OPCML: variants seen among roughly 807,000 people sequenced by gnomAD.
OPCML encodes the protein opioid binding protein/cell adhesion molecule like.
Under a neutral mutation model 37.8 loss-of-function variants are expected in OPCML, and 13 were observed. That is an observed-to-expected ratio of 0.34 (90% CI 0.22 to 0.55). The LOEUF (loss-of-function observed/expected upper bound fraction) is 0.55, where lower values mean the gene tolerates loss of function less well. Among genes scored for constraint, OPCML ranks in the 20% least tolerant of loss-of-function variants. The pLI is 0.91. For missense variants in OPCML, 341 were observed against 435.6 expected (o/e 0.78, Z 1.93); for synonymous variants, 176 against 168.8 (o/e 1.04, Z -0.33).
chr11:132,679,189 C>T (rs547519479), intron 2 of OPCML, among the ~76,000 whole-genome samples: 1 of 152,252 alleles, frequency 6.6e-6, no homozygotes, highest in South Asian at 2.1e-4. Flanking sequence ...AAAACTGTGT[C>T]AGTTTCTCAG....
intron 4 of OPCML, among the ~76,000 whole-genome samples, chr11:132,459,172 C>A: frequency 6.6e-6 from 1 of 152,240 alleles, no homozygotes; most frequent in Non-Finnish European, 1.5e-5. Flanking sequence ...GGAACCCGCT[C>A]CTGCCCTCTA....
intron 3 of OPCML, among the ~76,000 whole-genome samples, chr11:132,563,206 G>T (rs189961324): frequency 2.0e-5 from 3 of 152,178 alleles, no homozygotes; most frequent in Non-Finnish European, 4.4e-5. Context: ...GGCTTATGCA[G>T]CCAGTCAATA....
intron 2 of OPCML, among the ~76,000 whole-genome samples, chr11:132,893,563 C>T (rs896082516): frequency 3.3e-5 from 5 of 152,196 alleles, no homozygotes; most frequent in African/African-American, 7.2e-5. Flanking sequence ...GGGTGCAATT[C>T]GGAGACCATC....
intron 1 of OPCML, among the ~76,000 whole-genome samples, chr11:133,114,739 A>T (rs1431777): frequency 6.6e-6 from 1 of 151,984 alleles, no homozygotes; most frequent in Non-Finnish European, 1.5e-5. Context: ...TAGTACTTGG[A>T]ATTGAGTGGG....
chr11:133,096,636 C>T (rs1206236762), intron 1 of OPCML, among the ~76,000 whole-genome samples: 1 of 151,842 alleles, frequency 6.6e-6, no homozygotes, highest in African/African-American at 2.4e-5. Context: ...CCTACAGAAT[C>T]CCTTCTTAAA....
intron 4 of OPCML, among the ~76,000 whole-genome samples, chr11:132,477,703 G>A (rs1189680911): frequency 6.6e-6 from 1 of 152,208 alleles, no homozygotes; most frequent in Admixed American, 6.5e-5. Context: ...TCTGGAGTGT[G>A]TGCTGTGTTT....
intron 7 of OPCML, among the ~76,000 whole-genome samples, chr11:132,425,269 TA>T (rs148008116): frequency 0.031 from 4,609 of 150,436 alleles, 161 homozygotes; most frequent in Admixed American, 0.11. Context: ...AACAGACAAA[TA>T]TTTTTTTTAA....
intron 1 of OPCML, among the ~76,000 whole-genome samples, chr11:133,508,075 C>T (rs190626462): frequency 9.8e-5 from 15 of 152,286 alleles, no homozygotes; most frequent in African/African-American, 2.6e-4. Context: ...ATTTCCTACC[C>T]GGATCAACTA....
intron 1 of OPCML, among the ~76,000 whole-genome samples, chr11:133,222,169 A>G (rs1284870203): frequency 6.6e-6 from 1 of 152,214 alleles, no homozygotes; most frequent in Non-Finnish European, 1.5e-5. Context: ...GAGACCAGAC[A>G]GGGAAGAAGA....
chr11:133,210,218 C>T (rs12271392), intron 1 of OPCML, among the ~76,000 whole-genome samples: 16,226 of 152,170 alleles, frequency 0.11, 1,106 homozygotes, highest in Middle Eastern at 0.23. Flanking sequence ...TAATTGGGCT[C>T]TCCAAAGCCT....
intron 1 of OPCML, among the ~76,000 whole-genome samples, chr11:133,274,637 G>A (rs1047715597): frequency 6.6e-6 from 1 of 152,162 alleles, no homozygotes; most frequent in Non-Finnish European, 1.5e-5. Flanking sequence ...CTGGGAAACC[G>A]GCACAGCCCC....
At chr11:132,789,101 CTGTATCCTA>C (rs1555189176) in intron 2 of OPCML, among the ~76,000 whole-genome samples, 1 of 152,194 alleles carries the variant, frequency 6.6e-6, no homozygotes, top group Non-Finnish European at 1.5e-5. Context: ...TTCCCTCAGC[CTGTATCCTA>C]TCACTTCAGA....
In OPCML at chr11:132,614,723, T is replaced by A. The variant is rs563355294; in HGVS notation, c.379+42364A>T. On this transcript the variant is annotated intron_variant, in intron 3 of 7. Coordinates refer to ENST00000524381, the MANE Select transcript of OPCML (RefSeq NM_001012393.5). ...ATATTCACAGGTAAAATCTTCAGAATGGCATTGATGATGGGATAGGCATTT... is the reference window on the plus strand; with the variant it reads ...ATATTCACAGGTAAAATCTTCAGAAAGGCATTGATGATGGGATAGGCATTT... Among the ~76,000 whole-genome samples the A allele has an allele frequency of 1.5e-4, 23 of 152,354 alleles. No homozygotes were observed. In the East Asian group the frequency reaches 4.4e-3, roughly 29 times the overall value.
intron 4 of OPCML, among the ~76,000 whole-genome samples, chr11:132,476,089 T>C (rs1411653328): frequency 2.0e-5 from 3 of 152,170 alleles, no homozygotes; most frequent in Non-Finnish European, 4.4e-5. Context: ...ATATACACAC[T>C]CTCATGTTTT....
chr11:132,736,313 A>T (rs1372226693), intron 2 of OPCML, among the ~76,000 whole-genome samples: 1 of 152,212 alleles, frequency 6.6e-6, no homozygotes, highest in Non-Finnish European at 1.5e-5. Flanking sequence ...CCTCACCTAG[A>T]ACTGATGTAA....
intron 1 of OPCML, among the ~76,000 whole-genome samples, chr11:133,253,315 T>C (rs141455532): frequency 6.6e-6 from 1 of 152,092 alleles, no homozygotes; most frequent in East Asian, 1.9e-4. Flanking sequence ...CACATTTTAT[T>C]TTATTTTATT....
At chr11:133,266,600 C>T (rs978115981) in intron 1 of OPCML, among the ~76,000 whole-genome samples, 12 of 152,160 alleles carry the variant, frequency 7.9e-5, no homozygotes, top group Non-Finnish European at 1.5e-4. Context: ...GGACTTAGAA[C>T]ACTATCTGGC....
chr11:133,456,143 C>G (rs1395726756), intron 1 of OPCML, among the ~76,000 whole-genome samples: 1 of 152,106 alleles, frequency 6.6e-6, no homozygotes, highest in Non-Finnish European at 1.5e-5. Context: ...GGACTATAGA[C>G]CCATAGACAT....
intron 1 of OPCML, chr11:133,420,916 G>A (rs770417907): frequency 3.1e-5 from 31 of 985,256 alleles, no homozygotes; most frequent in Non-Finnish European, 3.7e-5. Context: ...CAGTAAAAAG[G>A]ATTACAGTGG....
Sources: gnomAD v4.1 joint callset for allele counts (sites outside exome capture counted in the v4.1 genomes callset) on GRCh38, gnomAD v4.1.1 for gene constraint, MANE v1.5 for transcripts, NCBI Gene and HGNC (gene_info 2026-07-23, HGNC 2026-07-21) for gene names.